The following TMOD1 variants were observed in gnomAD, a reference collection of about 807,000 sequenced individuals.
TMOD1 encodes the protein tropomodulin 1, also known as tropomodulin-1.
A neutral mutation model predicts 40.6 loss-of-function variants in TMOD1; 17 were observed. The observed-to-expected ratio is 0.42, with a 90% CI of 0.29 to 0.63. TMOD1 has a LOEUF of 0.63. TMOD1 is among the 20% of genes least tolerant of loss of function. The pLI is 0.22. For synonymous variants in TMOD1, 181 were observed against 175.0 expected (o/e 1.03, Z -0.27); for missense variants, 391 against 447.6 (o/e 0.87, Z 1.14).
chr9:97,575,051 C>G (rs554172928), intron 8 of TMOD1, among the ~76,000 whole-genome samples: 29 of 152,328 alleles, frequency 1.9e-4, no homozygotes, highest in Non-Finnish European at 1.6e-4. Context: ...GCAACCCGCT[C>G]GGGTCCACTT....
chr9:97,523,860 T>G (rs1829955292), intron 1 of TMOD1, among the ~76,000 whole-genome samples: 1 of 152,240 alleles, frequency 6.6e-6, no homozygotes, highest in Non-Finnish European at 1.5e-5. Context: ...AACATTGTTT[T>G]CAGGCACTCA....
chr9:97,527,446 C>T (rs1237799929), intron 2 of TMOD1, among the ~76,000 whole-genome samples: 1 of 152,212 alleles, frequency 6.6e-6, no homozygotes, highest in Non-Finnish European at 1.5e-5. Context: ...GAGATTAACT[C>T]TTACTGGTGC....
At chr9:97,520,024 G>A (rs1302806209) in intron 1 of TMOD1, among the ~76,000 whole-genome samples, 1 of 151,980 alleles carries the variant, frequency 6.6e-6, no homozygotes, top group African/African-American at 2.4e-5. Flanking sequence ...CTTTTTATTT[G>A]AGCCACAGAA....
chr9:97,524,697 G>C (rs1439118363), intron 2 of TMOD1, among the ~76,000 whole-genome samples: 1 of 152,152 alleles, frequency 6.6e-6, no homozygotes, highest in Non-Finnish European at 1.5e-5. Flanking sequence ...GAAGACCCAG[G>C]AAGAGTTGGG....
chr9:97,527,325 G>T (rs918368783), intron 2 of TMOD1, among the ~76,000 whole-genome samples: 8 of 152,326 alleles, frequency 5.3e-5, no homozygotes, highest in Admixed American at 2.6e-4. Context: ...CACTGTGCTG[G>T]GCACCAACAG....
chr9:97,531,037 A>AC lies in TMOD1; in HGVS notation c.120+6737dup, dbSNP rs1285892432. Among the ~76,000 whole-genome samples the AC allele has an allele frequency of 1.8e-4, 17 of 92,334 alleles. 1 individual carries two copies. The highest frequency in any genetic ancestry group is 3.0e-4 in the East Asian group (1 of 3,334). The allele number at this position is 92,334 out of a possible 152,430, so 60.6% of individuals were successfully genotyped here. On this transcript the variant is annotated intron_variant, in intron 2 of 9. Transcript: ENST00000259365. Reference sequence around the variant, plus strand: ...TCCTGACCTTAGGTGATCCACACCCACCCCCCCCACCACCCCTTGGCCTCC... The same window carrying AC: ...TCCTGACCTTAGGTGATCCACACCCACCCCCCCCCACCACCCCTTGGCCTCC...
chr9:97,541,584 C>G (rs537203616), intron 2 of TMOD1, among the ~76,000 whole-genome samples: 1 of 151,824 alleles, frequency 6.6e-6, no homozygotes, highest in East Asian at 1.9e-4. Context: ...GGCGTGATCT[C>G]AGCTCACTGC....
At chr9:97,567,758 CA>C (rs1830753961) in intron 7 of TMOD1, among the ~76,000 whole-genome samples, 2 of 152,080 alleles carry the variant, frequency 1.3e-5, no homozygotes, top group South Asian at 4.1e-4. Flanking sequence ...ATCCCGGGGG[CA>C]CACTGAAGTG....
At chr9:97,540,748 A>G (rs1830265029) in intron 2 of TMOD1, among the ~76,000 whole-genome samples, 1 of 152,186 alleles carries the variant, frequency 6.6e-6, no homozygotes, top group African/African-American at 2.4e-5. Flanking sequence ...TTGTATGGGT[A>G]TACCACATTT....
chr9:97,594,269 G>C (rs1160753704), intron 9 of TMOD1, among the ~76,000 whole-genome samples: 1 of 152,216 alleles, frequency 6.6e-6, no homozygotes, highest in Non-Finnish European at 1.5e-5. Flanking sequence ...AGGATCTCTA[G>C]CTTTAAAATG....
chr9:97,575,018 G>A (rs1830901549), intron 8 of TMOD1, among the ~76,000 whole-genome samples: 1 of 152,174 alleles, frequency 6.6e-6, no homozygotes, highest in Non-Finnish European at 1.5e-5. Flanking sequence ...GAGAATAAAA[G>A]CAGGCTGCCG....
chr9:97,551,279 C>T (rs7037608), intron 3 of TMOD1, among the ~76,000 whole-genome samples: 36,431 of 151,836 alleles, frequency 0.24, 4,600 homozygotes, highest in African/African-American at 0.29. Flanking sequence ...CCATCTCACC[C>T]TTCCAAAGTG....
rs1040857228 is a variant in TMOD1, at chr9:97,513,179, C to T, written c.-48-10962C>T. On this transcript the variant is annotated intron_variant, in intron 1 of 9. Transcript: ENST00000259365. This position sits in a 1 kb window ranked among gnomAD's most constrained non-coding sequence, Gnocchi z 4.1. ...CATCTTTCTCATGGCTGCTCAGCCA[C>T]GTCCACTCATCCGGTGCTTGCAGGC... 4 of 152,288 alleles carry T rather than the reference C, an allele frequency of 2.6e-5. No homozygotes were observed. The highest frequency in any genetic ancestry group is 2.1e-4 in the South Asian group (1 of 4,838). The allele number at this position is 152,288 out of a possible 1,614,324, so 9.4% of individuals were successfully genotyped here. A position where few individuals can be genotyped will look rare whatever the true frequency, so the allele number is the denominator to read the frequency against.
At position 97,513,434 on chromosome 9, in the gene TMOD1, C is replaced by G. The variant is rs1035232749; in HGVS notation, c.-48-10707C>G. On this transcript the variant is annotated intron_variant, in intron 1 of 9. Transcript: ENST00000259365. The surrounding 1 kb of genome is among the most constrained non-coding windows in gnomAD (Gnocchi z 4.1). ...GCCCAGGTTTGCATGACCCCTAGTT[C>G]AAGCTCTCATCTTTAACCAGGCTGA... Among the ~76,000 whole-genome samples the G allele has an allele frequency of 1.3e-5, 2 of 152,184 alleles. No homozygotes were observed. The highest frequency in any genetic ancestry group is 1.3e-4 in the Admixed American group (2 of 15,274).
chr9:97,547,507 G>C (rs560332255), intron 3 of TMOD1, among the ~76,000 whole-genome samples: 6 of 152,336 alleles, frequency 3.9e-5, no homozygotes, highest in South Asian at 2.1e-4. Context: ...CTGTAAAACA[G>C]GGATGATGAA....
At chr9:97,526,739 C>T (rs1324593957) in intron 2 of TMOD1, among the ~76,000 whole-genome samples, 1 of 152,132 alleles carries the variant, frequency 6.6e-6, no homozygotes, top group East Asian at 1.9e-4. Context: ...CAATCCCAAC[C>T]CTGTCTCTTC....
chr9:97,549,563 C>T (rs1830416704), intron 3 of TMOD1, among the ~76,000 whole-genome samples: 1 of 152,132 alleles, frequency 6.6e-6, no homozygotes, highest in Admixed American at 6.5e-5. Context: ...TTCTGGATCC[C>T]TGGAATCTGA....
chr9:97,537,291 C>T (rs1288676922), intron 2 of TMOD1, among the ~76,000 whole-genome samples: 1 of 152,186 alleles, frequency 6.6e-6, no homozygotes, highest in Non-Finnish European at 1.5e-5. Flanking sequence ...CATGTCTGCA[C>T]ATGTGTGCAC....
chr9:97,569,275 A>T (rs1830782925), intron 8 of TMOD1, among the ~76,000 whole-genome samples: 1 of 152,188 alleles, frequency 6.6e-6, no homozygotes, highest in South Asian at 2.1e-4. Context: ...TGGGGGACAC[A>T]CTCCTTACCA....
Sources: allele counts gnomAD v4.1 joint callset (sites outside exome capture counted in the v4.1 genomes callset), GRCh38; gene constraint gnomAD v4.1.1; non-coding constraint Gnocchi (gnomAD v3.1); transcripts MANE v1.5; gene names NCBI Gene and HGNC (gene_info 2026-07-23, HGNC 2026-07-21).